The following RINL variants were observed in gnomAD, a reference collection of about 807,000 sequenced individuals.
RINL encodes the protein Ras and Rab interactor like.
A neutral mutation model predicts 58.1 loss-of-function variants in RINL; 39 were observed. The ratio of observed to expected loss-of-function variants is 0.67; its 90% confidence interval spans 0.52 to 0.88. RINL has a LOEUF of 0.88. RINL is among the 40% of genes least tolerant of loss of function. RINL has a pLI of 0.00. For missense variants in RINL, 711 were observed against 749.2 expected (o/e 0.95, Z 0.60); for synonymous variants, 286 against 323.1 (o/e 0.89, Z 1.23).
In RINL at chr19:38,876,452, G is replaced by A. The variant is rs1276409264; in HGVS notation, c.89C>T (p.Pro30Leu). 2 of 1,535,966 alleles carry A rather than the reference G, an allele frequency of 1.3e-6. No individual in the cohort carries two copies. The highest frequency in any genetic ancestry group is 1.7e-6 in the Non-Finnish European group (2 of 1,146,866). Residue 30 changes from proline (P) to leucine (L), a missense_variant, in exon 3 of 12, where the codon CCT (proline) becomes CTT (leucine). Pro to Leu is a moderately conservative substitution (Grantham distance 98). Coordinates refer to ENST00000591812, the MANE Select transcript of RINL (RefSeq NM_001195833.2). The part of the protein sequence containing the change: ...PPQVNKADRT[P>L]LGVLSTLEPL... ...CTCTAGGGTGCTGAGGACCCCTAGA[G>A]GGGTCCTGTCTGCTTTGTTCACCTG...
At position 38,870,016 on chromosome 19, in the gene RINL, C is replaced by CG. The variant is rs1568385418; in HGVS notation, c.1268dup (p.Arg424AlafsTer64). The CG allele has an allele frequency of 4.4e-6, 7 of 1,580,554 alleles. No individual in the cohort carries two copies. Among genetic ancestry groups the CG allele is most frequent in the Non-Finnish European group, 6.0e-6 (7 of 1,166,062 alleles). On this transcript the variant is annotated frameshift_variant, in exon 9 of 12. Transcript: ENST00000591812. LOFTEE classifies it high-confidence loss of function. This position sits in a 1 kb window ranked among gnomAD's most constrained non-coding sequence, Gnocchi z 5.8. ...CCAAGAGGAGCGCCACCTTGCGGCG[C>CG]GGGGCGCAGGCAGCGTGGAGGTGCG...
intron 4 of RINL, among the ~76,000 whole-genome samples, chr19:38,872,090 T>C (rs1025634044): frequency 2.0e-4 from 31 of 152,194 alleles, no homozygotes; most frequent in African/African-American, 7.2e-4. Context: ...CCCTTAGTCC[T>C]TTCTAGGCAC....
Position 38,870,193 on chromosome 19 carries a change from T to G in RINL, c.1092A>C (p.Arg364=). The G allele has an allele frequency of 2.1e-6, 3 of 1,398,116 alleles. No homozygotes were observed. The highest frequency in any genetic ancestry group is 2.8e-6 in the Non-Finnish European group (3 of 1,085,716). The allele number at this position is 1,398,116 out of a possible 1,614,324, so 86.6% of individuals were successfully genotyped here. A position where few individuals can be genotyped will look rare whatever the true frequency, so the allele number is the denominator to read the frequency against. ...GCTCCGGTGCTCGGAGTGTGCGGAG[T>G]CGTGTCCACAGGGCCGGCTTCAGGG... is the stretch of plus-strand genomic sequence containing the variant. The part of the protein sequence containing the change: ...LAPLKPALWT[R]LRTLRAPELR... The change falls in exon 9 of 12, where the codon CGA becomes CGC. Residue 364 remains arginine, a synonymous_variant. Transcript: ENST00000591812. The surrounding 1 kb of genome is among the most constrained non-coding windows in gnomAD (Gnocchi z 5.8).
At chr19:38,877,690 A>AG (rs1238185435) in intron 1 of RINL, among the ~76,000 whole-genome samples, 1 of 152,168 alleles carries the variant, frequency 6.6e-6, no homozygotes, top group Non-Finnish European at 1.5e-5. Context: ...GCTCCTAACC[A>AG]GGTACAGAGT....
In RINL at chr19:38,870,774, C is replaced by A. The variant is rs141313340; in HGVS notation, c.820G>T (p.Val274Leu). ...CGAAGGCTTCGGTACTGCCTGGCCA[C>A]GTAGCTGCTCCGGGCCCTGACCAGA... is the stretch of plus-strand genomic sequence containing the variant. ...QSLVRARSSY[V>L]ARQYRSLRVR... The change falls in exon 8 of 12, where the codon GTG becomes TTG. Residue 274 changes from valine to leucine, a missense_variant. Physicochemically the swap from Val to Leu is conservative, Grantham distance 32. Transcript: ENST00000591812. This position sits in a 1 kb window ranked among gnomAD's most constrained non-coding sequence, Gnocchi z 5.8. 3 of 1,612,918 alleles carry A rather than the reference C, an allele frequency of 1.9e-6. No homozygotes were observed. The highest frequency in any genetic ancestry group is 1.7e-6 in the Non-Finnish European group (2 of 1,180,014).
At chr19:38,876,666 G>A in intron 2 of RINL, 27 bp downstream of exon 2, 1 of 1,523,662 alleles carries the variant, frequency 6.6e-7, no homozygotes, top group Non-Finnish European at 8.8e-7. Context: ...GGGAAGGAGG[G>A]CATAGCCTCA....
chr19:38,871,729 G>A lies in RINL; in HGVS notation c.387-18C>T. 6.2e-7 allele frequency: 1 copy of A among 1,614,076 alleles called. No individual in the cohort carries two copies. On this transcript the variant is annotated intron_variant, in intron 5 of 11. Coordinates refer to ENST00000591812, the MANE Select transcript of RINL (RefSeq NM_001195833.2). ...GAACATCCCTGAGAATAAAGAGGTGGGAGCCACAGTGTCAGTGGGGTGTCT... is the reference window on the plus strand; with the variant it reads ...GAACATCCCTGAGAATAAAGAGGTGAGAGCCACAGTGTCAGTGGGGTGTCT...
In RINL at chr19:38,870,422, T is replaced by C; in HGVS notation, c.1024+148A>G. On this transcript the variant is annotated intron_variant, in intron 8 of 11. Transcript: ENST00000591812. This position sits in a 1 kb window ranked among gnomAD's most constrained non-coding sequence, Gnocchi z 5.8. Reference sequence around the variant, plus strand: ...ACATGTGTGGAAGAGTTAGCCTGGGTGTGAACTTGCGCGCATACGTGGGCG... The same window carrying C: ...ACATGTGTGGAAGAGTTAGCCTGGGCGTGAACTTGCGCGCATACGTGGGCG... The C allele has an allele frequency of 7.6e-6, 8 of 1,057,410 alleles. No individual in the cohort carries two copies. The highest frequency in any genetic ancestry group is 1.1e-5 in the Non-Finnish European group (8 of 757,296). 65.5% of individuals were successfully genotyped at this position (1,057,410 alleles called of 1,614,324 possible).
Position 38,870,324 on chromosome 19 carries a change from T to C in RINL, c.1025-64A>G. The C allele has an allele frequency of 7.9e-7, 1 of 1,273,886 alleles. No homozygotes were observed. The allele number at this position is 1,273,886 out of a possible 1,614,324, so 78.9% of individuals were successfully genotyped here. The stretch of plus-strand genomic sequence containing the variant: ...AGTTGTCCCACGCCCACCCACGCGC[T>C]CCAACAACCCACCCTGGCCCACAGC... On this transcript the variant is annotated intron_variant, in intron 8 of 11. Transcript: ENST00000591812. The surrounding 1 kb of genome is among the most constrained non-coding windows in gnomAD (Gnocchi z 5.8).
At chr19:38,871,582 T>C in intron 6 of RINL, 65 bp downstream of exon 6, 2 of 1,463,258 alleles carry the variant, frequency 1.4e-6, no homozygotes, top group Non-Finnish European at 1.9e-6. Context: ...CAAAGCCCCA[T>C]TCATTCCCTT....
At position 38,873,789 on chromosome 19, in the gene RINL, G is replaced by A. The variant is rs1972861665; in HGVS notation, c.313+97C>T. ...GATCCACCCGCCTCGACCTACCAAA[G>A]TGCTGGGATTACAGGCGTGAGCCAC... is the stretch of plus-strand genomic sequence containing the variant. On this transcript the variant is annotated intron_variant, in intron 4 of 11. Transcript: ENST00000591812. The A allele has an allele frequency of 4.5e-5, 33 of 729,268 alleles. 1 individual carries two copies. In the South Asian group the frequency reaches 5.4e-4, roughly 12 times the overall value. The allele number at this position is 729,268 out of a possible 1,614,324, so 45.2% of individuals were successfully genotyped here.
chr19:38,875,633 T>C (rs144521568), intron 3 of RINL, among the ~76,000 whole-genome samples: 4 of 151,206 alleles, frequency 2.6e-5, no homozygotes, highest in Non-Finnish European at 5.9e-5. Flanking sequence ...GCCGAGATCA[T>C]GCCATTGCAC....
rs200595525 is a variant in RINL at position 38,871,042 on chromosome 19, C to T, written c.601+36G>A. 3.2e-6 allele frequency: 5 copies of T among 1,579,370 alleles called. No homozygotes were observed. In the East Asian group the frequency reaches 1.1e-4, roughly 35 times the overall value. On this transcript the variant is annotated intron_variant, in intron 7 of 11. Coordinates refer to ENST00000591812, the MANE Select transcript of RINL (RefSeq NM_001195833.2). ...CGCCTAGAACAGGGGCAGCAGCTCCCTCCCCTTCAGAGGCCCAGGGCCCCG... is the reference window on the plus strand; with the variant it reads ...CGCCTAGAACAGGGGCAGCAGCTCCTTCCCCTTCAGAGGCCCAGGGCCCCG...
At chr19:38,875,953 C>A (rs1162013401) in intron 3 of RINL, among the ~76,000 whole-genome samples, 1 of 152,108 alleles carries the variant, frequency 6.6e-6, no homozygotes, top group Non-Finnish European at 1.5e-5. Context: ...TATATTCAGT[C>A]CCAAATATCC....
rs527823007 is a variant in RINL at position 38,870,134 on chromosome 19, C to T, written c.1151G>A (p.Arg384Gln). 13 of 1,417,224 alleles carry T rather than the reference C, an allele frequency of 9.2e-6. No homozygotes were observed. The African/African-American group carries it at 1.5e-4, about 16-fold the overall frequency. 87.8% of individuals were successfully genotyped at this position (1,417,224 alleles called of 1,614,324 possible). Reference sequence around the variant, plus strand: ...TGCCCCCGGAGGCCCCGCCCCCGCCCGCAGGGCTGTCTGTCGCCGCCGCAG... The same window carrying T: ...TGCCCCCGGAGGCCCCGCCCCCGCCTGCAGGGCTGTCTGTCGCCGCCGCAG... ...RRLRRRQTAL[R>Q]AGAGPPGAQG... Residue 384 changes from arginine to glutamine, a missense_variant, in exon 9 of 12, where the codon CGG (arginine) becomes CAG (glutamine). Arg to Gln is a conservative substitution (Grantham distance 43, BLOSUM62 1). Transcript: ENST00000591812. The surrounding 1 kb of genome is among the most constrained non-coding windows in gnomAD (Gnocchi z 5.8).
In RINL at chr19:38,869,062, A is replaced by G. The variant is rs1478455543; in HGVS notation, c.*42T>C. On this transcript the variant is annotated 3_prime_UTR_variant, in exon 12 of 12. Coordinates refer to ENST00000591812, the MANE Select transcript of RINL (RefSeq NM_001195833.2). The surrounding 1 kb of genome is among the most constrained non-coding windows in gnomAD (Gnocchi z 5.7). The stretch of plus-strand genomic sequence containing the variant: ...GCAATCCTCCCACCTTGGCCTCCCA[A>G]AATGTTGGGATTACAGGCATGAACG... The G allele has an allele frequency of 1.3e-6, 2 of 1,527,534 alleles. No homozygotes were observed. Among genetic ancestry groups the G allele is most frequent in the Non-Finnish European group, 8.8e-7 (1 of 1,131,540 alleles). 94.6% of individuals were successfully genotyped at this position (1,527,534 alleles called of 1,614,324 possible). A position where few individuals can be genotyped will look rare whatever the true frequency, so the allele number is the denominator to read the frequency against.
chr19:38,875,625 C>T (rs147742065), intron 3 of RINL, among the ~76,000 whole-genome samples: 11 of 151,226 alleles, frequency 7.3e-5, no homozygotes, highest in East Asian at 3.9e-4. Context: ...TGCAGTGTGC[C>T]GAGATCATGC....
chr19:38,877,325 G>A (rs1191367891), intron 1 of RINL, among the ~76,000 whole-genome samples: 1 of 152,200 alleles, frequency 6.6e-6, no homozygotes, highest in Non-Finnish European at 1.5e-5. Flanking sequence ...GCTCTTTACT[G>A]AAGTGGTAGG....
chr19:38,873,834 G>T, intron 4 of RINL, 52 bp downstream of exon 4: 1 of 1,173,508 alleles, frequency 8.5e-7, no homozygotes, highest in Non-Finnish European at 1.2e-6. Context: ...CCAGCTGATA[G>T]TTCTTAGTGA....
Sources: gnomAD v4.1 joint callset for allele counts (sites outside exome capture counted in the v4.1 genomes callset) on GRCh38, gnomAD v4.1.1 for gene constraint, Gnocchi (gnomAD v3.1) non-coding constraint, MANE v1.5 for transcripts, NCBI Gene and HGNC (gene_info 2026-07-23, HGNC 2026-07-21) for gene names.